CSMD3: variants seen among roughly 807,000 people sequenced by gnomAD.
CSMD3 encodes CUB and Sushi multiple domains 3.
A neutral mutation model predicts 435.2 loss-of-function variants in CSMD3; 177 were observed. That is an observed-to-expected ratio of 0.41 (90% CI 0.36 to 0.46). The LOEUF (loss-of-function observed/expected upper bound fraction) is 0.46, where lower values mean the gene tolerates loss of function less well. Among genes scored for constraint, CSMD3 ranks in the 20% least tolerant of loss-of-function variants. The pLI is 0.34. For synonymous variants in CSMD3, 1,656 were observed against 1,520.5 expected (o/e 1.09, Z -2.07); for missense variants, 4,265 against 4,504.6 (o/e 0.95, Z 1.52).
chr8:112,879,095 G>A (rs1319897321), intron 10 of CSMD3, among the ~76,000 whole-genome samples: 2 of 152,086 alleles, frequency 1.3e-5, no homozygotes, highest in East Asian at 3.9e-4. Flanking sequence ...CTGACTGCCT[G>A]GGATCTGGGC....
At chr8:113,118,701 T>C (rs1439105739) in intron 4 of CSMD3, among the ~76,000 whole-genome samples, 2 of 152,292 alleles carry the variant, frequency 1.3e-5, no homozygotes, top group African/African-American at 4.8e-5. Context: ...TAGTGCATTT[T>C]TATTAACTTT....
At chr8:112,281,064 C>G in intron 59 of CSMD3, 110 bp downstream of exon 59, 3 of 804,070 alleles carry the variant, frequency 3.7e-6, no homozygotes, top group African/African-American at 3.4e-5. Flanking sequence ...GCAGTACAAA[C>G]AGTTAAAACC....
At chr8:112,265,290 G>A in intron 60 of CSMD3, 121 bp downstream of exon 60, 2 of 533,902 alleles carry the variant, frequency 3.7e-6, no homozygotes, top group Non-Finnish European at 6.2e-6. Flanking sequence ...TTTAGTACTA[G>A]AAAAATAAAT....
At chr8:112,328,887 A>C (rs73700623) in intron 45 of CSMD3, among the ~76,000 whole-genome samples, 6,054 of 152,140 alleles carry the variant, frequency 0.04, 400 homozygotes, top group African/African-American at 0.14. Context: ...CGTCAATTAA[A>C]CTTCTTTCCT....
intron 5 of CSMD3, among the ~76,000 whole-genome samples, chr8:113,051,861 A>G (rs2131329370): frequency 6.6e-6 from 1 of 152,326 alleles, no homozygotes; most frequent in African/African-American, 2.4e-5. Flanking sequence ...ATCAAGGAAA[A>G]GAGCAAATGT....
chr8:113,063,981 A>G (rs1191566225), intron 5 of CSMD3, among the ~76,000 whole-genome samples: 5 of 151,570 alleles, frequency 3.3e-5, no homozygotes, highest in Admixed American at 2.6e-4. Context: ...CTAAGCAATG[A>G]ATTTTAGGAA....
chr8:113,078,426 G>T (rs900251241), intron 5 of CSMD3, among the ~76,000 whole-genome samples: 1 of 152,104 alleles, frequency 6.6e-6, no homozygotes, highest in Admixed American at 6.5e-5. Context: ...CTTCAATTTA[G>T]TAAATTAAAC....
chr8:113,402,173 T>C (rs925728537), intron 1 of CSMD3, among the ~76,000 whole-genome samples: 1 of 150,892 alleles, frequency 6.6e-6, no homozygotes, highest in Admixed American at 6.6e-5. Flanking sequence ...AATTTTTCTT[T>C]TATCTTAAAT....
intron 49 of CSMD3, among the ~76,000 whole-genome samples, chr8:112,313,237 A>T (rs1822149388): frequency 6.6e-6 from 1 of 152,204 alleles, no homozygotes; most frequent in African/African-American, 2.4e-5. Flanking sequence ...TATTAACAAG[A>T]ATTTCCAGCC....
intron 5 of CSMD3, among the ~76,000 whole-genome samples, chr8:113,048,083 C>CT (rs35254619): frequency 0.016 from 1,697 of 106,904 alleles, 47 homozygotes; most frequent in African/African-American, 0.052. Flanking sequence ...AACTTCAATT[C>CT]TTTTTTTTTT....
intron 3 of CSMD3, among the ~76,000 whole-genome samples, chr8:113,247,170 C>T (rs2093284470): frequency 6.6e-6 from 1 of 152,188 alleles, no homozygotes; most frequent in Non-Finnish European, 1.5e-5. Context: ...CAACCAGTAT[C>T]AATGCCTCAG....
chr8:113,059,073 C>A (rs988262036), intron 5 of CSMD3, among the ~76,000 whole-genome samples: 2 of 152,054 alleles, frequency 1.3e-5, no homozygotes, highest in Non-Finnish European at 2.9e-5. Flanking sequence ...TTATACATAG[C>A]AGAAAGCCTA....
At chr8:112,356,627 T>A (rs1826637122) in intron 38 of CSMD3, among the ~76,000 whole-genome samples, 1 of 151,168 alleles carries the variant, frequency 6.6e-6, no homozygotes, top group Admixed American at 6.6e-5. Context: ...GGAATTCTCA[T>A]CTTGAATTCC....
intron 3 of CSMD3, among the ~76,000 whole-genome samples, chr8:113,241,148 T>C (rs2093210854): frequency 1.3e-5 from 2 of 152,166 alleles, no homozygotes; most frequent in Non-Finnish European, 2.9e-5. Context: ...TAGAATAATG[T>C]AAGAAATATT....
At chr8:113,412,055 A>G (rs929356123) in intron 1 of CSMD3, among the ~76,000 whole-genome samples, 4 of 152,086 alleles carry the variant, frequency 2.6e-5, no homozygotes, top group Non-Finnish European at 5.9e-5. Flanking sequence ...CATACACAAC[A>G]GTGTCGCTAT....
At chr8:112,342,067 G>C (rs1275679575) in intron 41 of CSMD3, among the ~76,000 whole-genome samples, 3 of 152,158 alleles carry the variant, frequency 2.0e-5, no homozygotes, top group African/African-American at 7.2e-5. Flanking sequence ...GTCAATCTAA[G>C]GTTGAAAATA....
At chr8:113,269,298 T>C (rs968357688) in intron 3 of CSMD3, among the ~76,000 whole-genome samples, 3 of 151,920 alleles carry the variant, frequency 2.0e-5, no homozygotes, top group Admixed American at 6.6e-5. Context: ...CACTGCTCAA[T>C]GAAATAAAAG....
intron 13 of CSMD3, among the ~76,000 whole-genome samples, chr8:112,719,629 G>C (rs533259730): frequency 6.6e-6 from 1 of 152,050 alleles, no homozygotes; most frequent in Non-Finnish European, 1.5e-5. Flanking sequence ...CAAAGGCCCC[G>C]TCTCCAAATA....
chr8:113,045,410 T>C (rs2087787656), intron 5 of CSMD3, among the ~76,000 whole-genome samples: 1 of 149,466 alleles, frequency 6.7e-6, no homozygotes, highest in Non-Finnish European at 1.5e-5. Context: ...TTGGGGTTAT[T>C]TGGAATACAT....
Sources: allele counts gnomAD v4.1 joint callset (sites outside exome capture counted in the v4.1 genomes callset), GRCh38; gene constraint gnomAD v4.1.1; transcripts MANE v1.5; gene names NCBI Gene and HGNC (gene_info 2026-07-23, HGNC 2026-07-21).